The following PLG variants were observed in gnomAD, a reference collection of about 807,000 sequenced individuals.
The protein encoded by PLG is plasmin.
PLG carries 41 observed loss-of-function variants against 104.4 expected under a neutral mutation model. The observed-to-expected ratio is 0.39, with a 90% confidence interval of 0.31 to 0.51. PLG has a LOEUF of 0.51. PLG is among the 20% of genes least tolerant of loss of function. PLG has a pLI of 0.76. For missense variants in PLG, 891 were observed against 1,003.6 expected (o/e 0.89, Z 1.52); for synonymous variants, 337 against 357.1 (o/e 0.94, Z 0.63).
At chr6:160,716,602 A>G (rs746990486) in intron 6 of PLG, 43 bp from the exon 7 acceptor site, 5 of 1,106,772 alleles carry the variant, frequency 4.5e-6, no homozygotes, top group Non-Finnish European at 7.0e-6. Flanking sequence ...TTATCCATGA[A>G]TGTAAATGTT....
rs1777892940 is a variant in PLG at position 160,724,449 on chromosome 6, A to G, written c.1256+1882A>G. 6.6e-6 allele frequency among the ~76,000 whole-genome samples: 1 copy of G among 152,156 alleles called. No individual in the cohort carries two copies. Among genetic ancestry groups the G allele is most frequent in the African/African-American group, 2.4e-5 (1 of 41,452 alleles). ...CATACAAAGACTGAAAAGATAAAGA[A>G]ACAGAGCCTCAAGAATATCTATGAA... is the stretch of plus-strand genomic sequence containing the variant. On this transcript the variant is annotated intron_variant, in intron 10 of 18. Coordinates refer to ENST00000308192, the MANE Select transcript of PLG (RefSeq NM_000301.5). The surrounding 1 kb of genome is among the most constrained non-coding windows in gnomAD (Gnocchi z 5.0).
At chr6:160,718,911 C>T in intron 9 of PLG, 73 bp downstream of exon 9, 2 of 1,265,540 alleles carry the variant, frequency 1.6e-6, no homozygotes, top group Non-Finnish European at 2.3e-6. Flanking sequence ...GGCATCATCA[C>T]AATATACAGT....
chr6:160,713,004 C>G lies in PLG; in HGVS notation c.426C>G (p.His142Gln), dbSNP rs777371711. ...TCCCCAGATTCTCACCTGCTACACACCCCTCAGAGGGACTGGAGGAGAACT... is the reference window on the plus strand; with the variant it reads ...TCCCCAGATTCTCACCTGCTACACAGCCCTCAGAGGGACTGGAGGAGAACT... Reference protein sequence around the residue: ...PHRPRFSPATHPSEGLEENYC... With the variant: ...PHRPRFSPATQPSEGLEENYC... The change falls in exon 5 of 19, where the codon CAC becomes CAG. Residue 142 changes from histidine (H) to glutamine (Q), a missense_variant. Transcript: ENST00000308192. The G allele has an allele frequency of 2.5e-6, 4 of 1,610,302 alleles. No individual in the cohort carries two copies. Among genetic ancestry groups the G allele is most frequent in the African/African-American group, 1.3e-5 (1 of 74,932 alleles).
At chr6:160,703,954 C>T (rs1435219777) in intron 1 of PLG, among the ~76,000 whole-genome samples, 5 of 152,220 alleles carry the variant, frequency 3.3e-5, no homozygotes, top group South Asian at 2.1e-4. Flanking sequence ...GTTTCTTTTA[C>T]AGCCATGCTT....
chr6:160,719,568 C>G lies in PLG; in HGVS notation c.1096+730C>G, dbSNP rs1158394312. Among the ~76,000 whole-genome samples the G allele has an allele frequency of 2.6e-5, 4 of 152,160 alleles. No individual in the cohort carries two copies. In the South Asian group the frequency reaches 8.3e-4, roughly 31 times the overall value. The stretch of plus-strand genomic sequence containing the variant: ...ATCTACCATCAAGTTAGTTATTTCT[C>G]TTTGTCCCATTTAAACTTTGTTCCT... On this transcript the variant is annotated intron_variant, in intron 9 of 18. Coordinates refer to ENST00000308192, the MANE Select transcript of PLG (RefSeq NM_000301.5). This position sits in a 1 kb window ranked among gnomAD's most constrained non-coding sequence, Gnocchi z 4.1.
At position 160,718,428 on chromosome 6, in the gene PLG, A is replaced by G; in HGVS notation, c.922A>G (p.Asn308Asp). The change falls in exon 8 of 19, where the codon AAC (asparagine) becomes GAC (aspartate). Residue 308 changes from asparagine to aspartate, a missense_variant. Transcript: ENST00000308192. ...HWSAQTPHTH[N>D]RTPENFPCKN... is the part of the protein sequence containing the mutation. ...GAGTGCACAGACCCCTCACACACAT[A>G]ACAGGACACCAGAAAACTTCCCCTG... 1 of 1,613,762 alleles carries G rather than the reference A, an allele frequency of 6.2e-7. No homozygotes were observed. Among genetic ancestry groups the G allele is most frequent in the East Asian group, 2.2e-5 (1 of 44,866 alleles).
Position 160,702,248 on chromosome 6 carries a change from G to C in PLG, c.-57G>C, listed in dbSNP as rs974911963. ...TGTGGATGCGTTTACTCTCATGTAA[G>C]TCAACAACATCCTGGGATTGGGACC... On this transcript the variant is annotated 5_prime_UTR_variant, in exon 1 of 19. Transcript: ENST00000308192. 20 of 1,602,234 alleles carry C rather than the reference G, an allele frequency of 1.2e-5. No individual in the cohort carries two copies. The African/African-American group carries it at 2.4e-4, about 19-fold the overall frequency.
chr6:160,735,495 G>A lies in PLG; in HGVS notation c.1682-1392G>A, dbSNP rs575344972. Reference sequence around the variant, plus strand: ...AATGGGAACAAGATTTTTCCCAAAGGACTGTGAGGTCCCCCACCTAACCTT... The same window carrying A: ...AATGGGAACAAGATTTTTCCCAAAGAACTGTGAGGTCCCCCACCTAACCTT... On this transcript the variant is annotated intron_variant, in intron 13 of 18. Transcript: ENST00000308192. This position sits in a 1 kb window ranked among gnomAD's most constrained non-coding sequence, Gnocchi z 5.4. Among the ~76,000 whole-genome samples the A allele has an allele frequency of 6.6e-6, 1 of 152,164 alleles. No homozygotes were observed. Among genetic ancestry groups the A allele is most frequent in the African/African-American group, 2.4e-5 (1 of 41,434 alleles).
chr6:160,752,222 T>C lies in PLG; in HGVS notation c.2233T>C (p.Cys745Arg). 1 of 1,614,114 alleles carries C rather than the reference T, an allele frequency of 6.2e-7. No individual in the cohort carries two copies. Among genetic ancestry groups the C allele is most frequent in the Non-Finnish European group, 8.5e-7 (1 of 1,179,944 alleles). Residue 745 changes from cysteine (C) to arginine (R), a missense_variant, in exon 18 of 19, where the codon TGT becomes CGT. By Grantham distance (180) the Cys-to-Arg change is radical (BLOSUM62 -3). Coordinates refer to ENST00000308192, the MANE Select transcript of PLG (RefSeq NM_000301.5). The surrounding 1 kb of genome is among the most constrained non-coding windows in gnomAD (Gnocchi z 4.7). ...LNGRVQSTEL[C>R]AGHLAGGTDS... ...TGGAAGAGTCCAATCCACCGAACTC[T>C]GTGCTGGGCATTTGGCCGGAGGCAC...
At chr6:160,707,872 A>T in intron 3 of PLG, 66 bp downstream of exon 3, 1 of 1,109,078 alleles carries the variant, frequency 9.0e-7, no homozygotes, top group South Asian at 1.2e-5. Context: ...CTCTTTCTCT[A>T]TTCTATCTTT....
At position 160,718,418 on chromosome 6, in the gene PLG, T is replaced by C. The variant is rs766409637; in HGVS notation, c.912T>C (p.Pro304=). The C allele has an allele frequency of 6.2e-7, 1 of 1,613,642 alleles. No individual in the cohort carries two copies. The highest frequency in any genetic ancestry group is 8.5e-7 in the Non-Finnish European group (1 of 1,179,644). Reference sequence around the variant, plus strand: ...GTCAGCACTGGAGTGCACAGACCCCTCACACACATAACAGGACACCAGAAA... The same window carrying C: ...GTCAGCACTGGAGTGCACAGACCCCCCACACACATAACAGGACACCAGAAA... ...HTCQHWSAQT[P]HTHNRTPENF... is the part of the protein sequence containing the mutation. Residue 304 remains proline, a synonymous_variant, in exon 8 of 19, where the codon CCT becomes CCC. Transcript: ENST00000308192.
At position 160,716,123 on chromosome 6, in the gene PLG, T is replaced by C. The variant is rs112880342; in HGVS notation, c.669-522T>C. 4.3e-3 allele frequency among the ~76,000 whole-genome samples: 651 copies of C among 152,340 alleles called. 4 individuals are homozygous for C. Among genetic ancestry groups the C allele is most frequent in the African/African-American group, 0.015 (620 of 41,592 alleles). On this transcript the variant is annotated intron_variant, in intron 6 of 18. Transcript: ENST00000308192. Reference sequence around the variant, plus strand: ...TTCCTTTAAGCTATGAAGATGCACATTTCTTGGCTCTGTTAGGTACTAGAT... The same window carrying C: ...TTCCTTTAAGCTATGAAGATGCACACTTCTTGGCTCTGTTAGGTACTAGAT...
At chr6:160,710,555 C>G (rs1210534771) in intron 3 of PLG, among the ~76,000 whole-genome samples, 3 of 151,890 alleles carry the variant, frequency 2.0e-5, no homozygotes, top group Non-Finnish European at 2.9e-5. Flanking sequence ...TACAGTAGAC[C>G]ACAATTTTAT....
In PLG at chr6:160,711,685, C is replaced by T. The variant is rs4252085; in HGVS notation, c.407+494C>T. The T allele has an allele frequency of 3.4e-3, 5,536 of 1,610,322 alleles. 206 individuals carry two copies. In the African/African-American group the frequency reaches 0.067, roughly 19 times the overall value. On this transcript the variant is annotated intron_variant, in intron 4 of 18. Transcript: ENST00000308192. Reference sequence around the variant, plus strand: ...TTGGATATGGAGGTTTCTTGAAGACCTAGAACATAGAAGAATGCCTAGTTT... The same window carrying T: ...TTGGATATGGAGGTTTCTTGAAGACTTAGAACATAGAAGAATGCCTAGTTT...
chr6:160,707,082 G>A (rs1777541197), intron 2 of PLG, among the ~76,000 whole-genome samples: 1 of 152,192 alleles, frequency 6.6e-6, no homozygotes, highest in East Asian at 1.9e-4. Flanking sequence ...TGGGAACTGA[G>A]CTGGGTTTGG....
chr6:160,706,494 T>C lies in PLG; in HGVS notation c.137T>C (p.Ile46Thr), dbSNP rs1049573. Residue 46 changes from isoleucine (I) to threonine (T), a missense_variant, in exon 2 of 19, where the codon ATA (isoleucine) becomes ACA (threonine). By Grantham distance (89) the Ile-to-Thr change is moderately conservative. Coordinates refer to ENST00000308192, the MANE Select transcript of PLG (RefSeq NM_000301.5). ...VTKKQLGAGSIEECAAKCEED... is the reference protein window; with the variant it reads ...VTKKQLGAGSTEECAAKCEED... Reference sequence around the variant, plus strand: ...AAGAAGCAGCTGGGAGCAGGAAGTATAGAAGAATGTGCAGCAAAATGTGAG... The same window carrying C: ...AAGAAGCAGCTGGGAGCAGGAAGTACAGAAGAATGTGCAGCAAAATGTGAG... 1.4e-5 allele frequency: 22 copies of C among 1,613,852 alleles called. No homozygotes were observed. Among genetic ancestry groups the C allele is most frequent in the Middle Eastern group, 1.7e-4 (1 of 6,044 alleles).
At chr6:160,705,932 G>C in intron 1 of PLG, 1 of 173,406 alleles carries the variant, frequency 5.8e-6, no homozygotes, top group Non-Finnish European at 1.2e-5. Flanking sequence ...CATAGTAGTG[G>C]TTCCATAGTT....
rs1438764897 is a variant in PLG, at chr6:160,730,959, T to C, written c.1257-92T>C. 5.4e-6 allele frequency: 7 copies of C among 1,297,522 alleles called. No homozygotes were observed. The African/African-American group carries it at 7.3e-5, about 14-fold the overall frequency. The allele number at this position is 1,297,522 out of a possible 1,614,324, so 80.4% of individuals were successfully genotyped here. On this transcript the variant is annotated intron_variant, in intron 10 of 18. Transcript: ENST00000308192. ...AATGGGAATATTTCAAAGCCACTTG[T>C]TAACACTTTGTTAGAACAAAATGTA... is the stretch of plus-strand genomic sequence containing the variant.
At chr6:160,743,207 G>T (rs1168682149) in intron 17 of PLG, among the ~76,000 whole-genome samples, 1 of 152,060 alleles carries the variant, frequency 6.6e-6, no homozygotes, top group African/African-American at 2.4e-5. Context: ...AATATCATTG[G>T]CAGTTTGATA....
Sources: gnomAD v4.1 joint callset for allele counts (sites outside exome capture counted in the v4.1 genomes callset) on GRCh38, gnomAD v4.1.1 for gene constraint, Gnocchi (gnomAD v3.1) non-coding constraint, MANE v1.5 for transcripts, NCBI Gene and HGNC (gene_info 2026-07-23, HGNC 2026-07-21) for gene names.